SCEL: variants seen among roughly 807,000 people sequenced by gnomAD.
SCEL encodes sciellin.
A neutral mutation model predicts 117.6 loss-of-function variants in SCEL; 113 were observed. The observed-to-expected ratio is 0.96, with a 90% confidence interval of 0.83 to 1.12. The LOEUF is 1.12. Ranked by LOEUF, SCEL falls within the 50% of genes most tolerant of loss-of-function variation. SCEL has a pLI of 0.00. For missense variants in SCEL, 785 were observed against 810.8 expected, an observed-to-expected ratio of 0.97 and a Z score of 0.39; for synonymous variants, 270 against 256.2, an observed-to-expected ratio of 1.05 and a Z score of -0.51.
intron 1 of SCEL, among the ~76,000 whole-genome samples, chr13:77,537,963 T>C (rs941191616): frequency 1.3e-5 from 2 of 152,218 alleles, no homozygotes; most frequent in East Asian, 1.9e-4. Flanking sequence ...ATTGGTTCCA[T>C]ATGGCTTCGC....
At chr13:77,600,215 G>A (rs943704408) in intron 15 of SCEL, among the ~76,000 whole-genome samples, 3 of 151,964 alleles carry the variant, frequency 2.0e-5, no homozygotes, top group Non-Finnish European at 2.9e-5. Context: ...TGCAGCCACC[G>A]CCTCCCGGGT....
At chr13:77,549,272 A>G (rs1292648350) in intron 1 of SCEL, among the ~76,000 whole-genome samples, 1 of 152,198 alleles carries the variant, frequency 6.6e-6, no homozygotes, top group Non-Finnish European at 1.5e-5. Flanking sequence ...GTAAGATGGT[A>G]TCTCATTTGG....
intron 2 of SCEL, 48 bp from the exon 3 acceptor site, chr13:77,556,548 C>G: frequency 1.3e-6 from 2 of 1,511,302 alleles, no homozygotes; most frequent in Non-Finnish European, 1.8e-6. Context: ...AGCCCACGCT[C>G]AACTCCACAC....
intron 9 of SCEL, among the ~76,000 whole-genome samples, chr13:77,580,645 G>A (rs2086215895): frequency 6.6e-6 from 1 of 152,120 alleles, no homozygotes; most frequent in Non-Finnish European, 1.5e-5. Flanking sequence ...CCAAACTAAA[G>A]TACTTGCTTA....
At chr13:77,564,260 G>A (rs551051708) in intron 5 of SCEL, among the ~76,000 whole-genome samples, 11 of 150,850 alleles carry the variant, frequency 7.3e-5, no homozygotes, top group Admixed American at 6.6e-5. Flanking sequence ...CACTGATGGT[G>A]GAAAAACGTT....
chr13:77,563,428 C>T (rs986055579), intron 4 of SCEL, among the ~76,000 whole-genome samples: 3 of 152,140 alleles, frequency 2.0e-5, no homozygotes, highest in African/African-American at 7.2e-5. Flanking sequence ...TGCTAAAACT[C>T]TGCAAACAAA....
chr13:77,552,214 A>G (rs1312237117), intron 1 of SCEL, among the ~76,000 whole-genome samples: 1 of 150,148 alleles, frequency 6.7e-6, no homozygotes, highest in Non-Finnish European at 1.5e-5. Context: ...ATACCCAGTA[A>G]TGGGATGGCT....
chr13:77,592,224 A>G (rs1299809312), intron 11 of SCEL, among the ~76,000 whole-genome samples: 2 of 152,142 alleles, frequency 1.3e-5, no homozygotes, highest in South Asian at 2.1e-4. Context: ...GACACATCAC[A>G]TGTATTCTCT....
At chr13:77,594,015 TTCCC>T (rs2087073253) in intron 12 of SCEL, among the ~76,000 whole-genome samples, 1 of 828 alleles carries the variant, frequency 1.2e-3, no homozygotes, top group South Asian at 0.062. Flanking sequence ...TTCCTTCTCC[TTCCC>T]CTTCCCCTTA....
chr13:77,583,781 A>G (rs548771753), intron 9 of SCEL, among the ~76,000 whole-genome samples: 1 of 152,230 alleles, frequency 6.6e-6, no homozygotes, highest in Admixed American at 6.5e-5. Flanking sequence ...TTTGTGCTGC[A>G]GTAATAGACA....
intron 28 of SCEL, among the ~76,000 whole-genome samples, chr13:77,633,382 GCCGAGATTGCGCCACTGCAGTCCGCAGT>G (rs1304732996): frequency 7.2e-6 from 1 of 137,932 alleles, no homozygotes; most frequent in African/African-American, 2.8e-5. Flanking sequence ...CTTGCAGTGA[GCCGAGATTGCGCCACTGCAGTCCGCAGT>G]CCGGCCTGGG....
intron 9 of SCEL, among the ~76,000 whole-genome samples, chr13:77,575,452 TAG>T (rs1225887356): frequency 6.6e-6 from 1 of 152,038 alleles, no homozygotes; most frequent in Non-Finnish European, 1.5e-5. Context: ...AATGAGAAAA[TAG>T]AGTTTTTTAA....
chr13:77,620,880 GT>G (rs1567429606), intron 27 of SCEL, among the ~76,000 whole-genome samples: 2 of 151,980 alleles, frequency 1.3e-5, no homozygotes, highest in African/African-American at 4.8e-5. Context: ...ACATCCCCAA[GT>G]TTTTAGTATT....
intron 28 of SCEL, among the ~76,000 whole-genome samples, chr13:77,628,835 C>T (rs1156669464): frequency 6.6e-6 from 1 of 152,098 alleles, no homozygotes; most frequent in East Asian, 1.9e-4. Context: ...TAGATAGTTT[C>T]TTTCCATTCC....
chr13:77,595,565 C>T (rs1354722479), intron 12 of SCEL, among the ~76,000 whole-genome samples: 6 of 152,190 alleles, frequency 3.9e-5, no homozygotes, highest in African/African-American at 1.4e-4. Context: ...CTGATAATCT[C>T]ATCATTGTGA....
chr13:77,622,925 T>C (rs773443747), intron 27 of SCEL, among the ~76,000 whole-genome samples: 28 of 152,292 alleles, frequency 1.8e-4, no homozygotes, highest in Admixed American at 3.9e-4. Context: ...CTTCAATAAT[T>C]TTCTGTAACT....
chr13:77,547,907 C>T (rs1482023809), intron 1 of SCEL, among the ~76,000 whole-genome samples: 1 of 152,164 alleles, frequency 6.6e-6, no homozygotes, highest in Non-Finnish European at 1.5e-5. Flanking sequence ...TGGGATGCTC[C>T]CTAGGAACAG....
At chr13:77,595,222 A>C (rs17068041) in intron 12 of SCEL, among the ~76,000 whole-genome samples, 20,258 of 152,174 alleles carry the variant, frequency 0.13, 1,435 homozygotes, top group Non-Finnish European at 0.15. Flanking sequence ...CATTTATCAC[A>C]GAGAGAAGTT....
At chr13:77,616,826 A>G (rs2089088764) in intron 24 of SCEL, among the ~76,000 whole-genome samples, 1 of 150,542 alleles carries the variant, frequency 6.6e-6, no homozygotes, top group Non-Finnish European at 1.5e-5. Context: ...GTACATCTAG[A>G]TTGTTTCCCA....
Sources: allele counts gnomAD v4.1 joint callset (sites outside exome capture counted in the v4.1 genomes callset), GRCh38; gene constraint gnomAD v4.1.1; transcripts MANE v1.5; gene names NCBI Gene and HGNC (gene_info 2026-07-23, HGNC 2026-07-21).